Variants in CARMIL2 observed in about 807,000 individuals in gnomAD.
The protein encoded by CARMIL2 is capping protein regulator and myosin 1 linker 2.
In CARMIL2, 96 loss-of-function variants were observed where a neutral mutation model predicts 173.3. The ratio of observed to expected loss-of-function variants is 0.55; its 90% CI spans 0.47 to 0.66. The LOEUF (loss-of-function observed/expected upper bound fraction) is 0.66, where lower values mean the gene tolerates loss of function less well. Ranked by LOEUF, CARMIL2 falls within the 30% of genes least tolerant of loss-of-function variation. The pLI, the probability that CARMIL2 is intolerant of heterozygous loss-of-function variation, is 0.00. For missense variants in CARMIL2, 1,771 were observed against 1,906.7 expected (o/e 0.93, Z 1.33); for synonymous variants, 830 against 817.1 (o/e 1.02, Z -0.27).
Position 67,657,165 on chromosome 16 carries a change from G to C in CARMIL2, c.4118-74G>C. 7.5e-7 allele frequency: 1 copy of C among 1,339,200 alleles called. No homozygotes were observed. The highest frequency in any genetic ancestry group is 1.1e-6 in the Non-Finnish European group (1 of 947,098). The allele number at this position is 1,339,200 out of a possible 1,614,324, so 83.0% of individuals were successfully genotyped here. On this transcript the variant is annotated intron_variant, in intron 36 of 37. Coordinates refer to ENST00000334583, the MANE Select transcript of CARMIL2 (RefSeq NM_001013838.3). The surrounding 1 kb of genome is among the most constrained non-coding windows in gnomAD (Gnocchi z 4.5). ...GAGTGCATGCTTATGTGCACTGGAG[G>C]TGGAAGAGAGGGGCAGGGGATGGAC... is the stretch of plus-strand genomic sequence containing the variant.
In CARMIL2 at chr16:67,647,102, C is replaced by A. The variant is rs142752637; in HGVS notation, c.612-14C>A. ...GGGCCCTGAGCTCTGCCTCTGTTCC[C>A]ACCCTCCCACCAGGGACCTGGCCTT... is the stretch of plus-strand genomic sequence containing the variant. On this transcript the variant is annotated splice_polypyrimidine_tract_variant and intron_variant, in intron 8 of 37. Transcript: ENST00000334583. 1 of 1,613,618 alleles carries A rather than the reference C, an allele frequency of 6.2e-7. No individual in the cohort carries two copies. The highest frequency in any genetic ancestry group is 2.2e-5 in the East Asian group (1 of 44,878).
In CARMIL2 at chr16:67,654,401, G is replaced by T; in HGVS notation, c.3291G>T (p.Lys1097Asn). 6.2e-7 allele frequency: 1 copy of T among 1,610,192 alleles called. No individual in the cohort carries two copies. The highest frequency in any genetic ancestry group is 8.5e-7 in the Non-Finnish European group (1 of 1,178,568). The change falls in exon 31 of 38, where the codon AAG becomes AAT. Residue 1097 changes from lysine (K) to asparagine (N), a missense_variant. Lys to Asn is a moderately conservative substitution (Grantham distance 94). Coordinates refer to ENST00000334583, the MANE Select transcript of CARMIL2 (RefSeq NM_001013838.3). ...ATPVPRTLRK[K>N]LGTLFAFKKP... ...CTGTCCCCCGTACACTGCGAAAGAAGCTGGGCACCCTCTTTGCCTTCAAGA... is the reference window on the plus strand; with the variant it reads ...CTGTCCCCCGTACACTGCGAAAGAATCTGGGCACCCTCTTTGCCTTCAAGA...
rs758300293 is a variant in CARMIL2, at chr16:67,647,832, C to T, written c.959-14C>T. ...GGTCTGTCCAACTGCTGAGTGACCC[C>T]GACCCACCACCAGGAATGAGGGCTC... On this transcript the variant is annotated splice_polypyrimidine_tract_variant and intron_variant, in intron 12 of 37. Coordinates refer to ENST00000334583, the MANE Select transcript of CARMIL2 (RefSeq NM_001013838.3). The T allele has an allele frequency of 5.0e-6, 8 of 1,600,410 alleles. No individual in the cohort carries two copies. The highest frequency in any genetic ancestry group is 1.1e-5 in the South Asian group (1 of 88,752).
rs749715384 is a variant in CARMIL2, at chr16:67,646,592, G to T, written c.466+75G>T. The T allele has an allele frequency of 3.8e-6, 6 of 1,577,102 alleles. No individual in the cohort carries two copies. In the Admixed American group the frequency reaches 6.8e-5, roughly 18 times the overall value. ...CTCCCCAGACCCGCAAGCTGGGGGG[G>T]CCCCAAACTGAACAGAGCCATTCAG... On this transcript the variant is annotated intron_variant, in intron 6 of 37. Coordinates refer to ENST00000334583, the MANE Select transcript of CARMIL2 (RefSeq NM_001013838.3). The surrounding 1 kb of genome is among the most constrained non-coding windows in gnomAD (Gnocchi z 4.6).
rs1262845460 is a variant in CARMIL2 at position 67,651,022 on chromosome 16, C to G, written c.2185-165C>G. On this transcript the variant is annotated intron_variant, in intron 22 of 37. Transcript: ENST00000334583. The surrounding 1 kb of genome is among the most constrained non-coding windows in gnomAD (Gnocchi z 4.2). ...ATAAAGTCCTTAAAATGAACCAAAG[C>G]AACAGATAGTTCCTTCCCTCCTTGA... The G allele has an allele frequency of 1.4e-6, 1 of 711,942 alleles. No individual in the cohort carries two copies. Among genetic ancestry groups the G allele is most frequent in the East Asian group, 2.7e-5 (1 of 36,526 alleles). The allele number at this position is 711,942 out of a possible 1,614,324, so 44.1% of individuals were successfully genotyped here.
In CARMIL2 at chr16:67,646,972, C is replaced by A. The variant is rs200130634; in HGVS notation, c.610C>A (p.Arg204=). ...GGGAGACTTCAGCCACCTCGGCAGTCGGTGTGTGGCCTGCCAGGATGGGAG... is the reference window on the plus strand; with the variant it reads ...GGGAGACTTCAGCCACCTCGGCAGTAGGTGTGTGGCCTGCCAGGATGGGAG... ...SLGDFSHLGS[R]DLALSVAALS... The change falls in exon 8 of 38, where the codon CGG becomes AGG. Residue 204 remains arginine, a splice_region_variant and synonymous_variant. Transcript: ENST00000334583. The surrounding 1 kb of genome is among the most constrained non-coding windows in gnomAD (Gnocchi z 4.6). 16 of 1,612,872 alleles carry A rather than the reference C, an allele frequency of 9.9e-6. No individual in the cohort carries two copies. The highest frequency in any genetic ancestry group is 1.4e-5 in the Non-Finnish European group (16 of 1,179,622).
rs368964680 is a variant in CARMIL2 at position 67,649,975 on chromosome 16, G to T, written c.2082+7G>T. The T allele has an allele frequency of 6.2e-7, 1 of 1,613,276 alleles. No homozygotes were observed. The highest frequency in any genetic ancestry group is 2.2e-5 in the East Asian group (1 of 44,874). ...AGCACGTGCAGTCCATCAGGTGGGC[G>T]TCCCCCTCTTCCCTTGCCCTTCTCT... On this transcript the variant is annotated splice_region_variant and intron_variant, in intron 21 of 37. Coordinates refer to ENST00000334583, the MANE Select transcript of CARMIL2 (RefSeq NM_001013838.3). The surrounding 1 kb of genome is among the most constrained non-coding windows in gnomAD (Gnocchi z 6.7).
Position 67,652,779 on chromosome 16 carries a change from T to G in CARMIL2, c.2885-240T>G, listed in dbSNP as rs1417780268. Among the ~76,000 whole-genome samples, 1 of 151,644 alleles carries G rather than the reference T, an allele frequency of 6.6e-6. No homozygotes were observed. Among genetic ancestry groups the G allele is most frequent in the Non-Finnish European group, 1.5e-5 (1 of 67,846 alleles). ...CTCAGCTCGCCTCCCCGCGCCCCTTTCCCTACCCCAGGGACGCGCATGCTG... is the reference window on the plus strand; with the variant it reads ...CTCAGCTCGCCTCCCCGCGCCCCTTGCCCTACCCCAGGGACGCGCATGCTG... On this transcript the variant is annotated intron_variant, in intron 28 of 37. Coordinates refer to ENST00000334583, the MANE Select transcript of CARMIL2 (RefSeq NM_001013838.3). The surrounding 1 kb of genome is among the most constrained non-coding windows in gnomAD (Gnocchi z 4.7).
chr16:67,654,444 G>C lies in CARMIL2; in HGVS notation c.3334G>C (p.Gly1112Arg), dbSNP rs2142947609. 1.9e-6 allele frequency: 3 copies of C among 1,612,926 alleles called. No individual in the cohort carries two copies. Among genetic ancestry groups the C allele is most frequent in the Admixed American group, 3.3e-5 (2 of 59,900 alleles). ...CTTCAAGAAGCCTCGTTCAACGCGG[G>C]GTCCACGGACTGATCTAGAGACCAG... ...FAFKKPRSTR[G>R]PRTDLETSPG... is the part of the protein sequence containing the mutation. Residue 1112 changes from glycine to arginine, a missense_variant, in exon 31 of 38, where the codon GGT becomes CGT. Physicochemically the swap from Gly to Arg is moderately radical, Grantham distance 125 (BLOSUM62 -2). Coordinates refer to ENST00000334583, the MANE Select transcript of CARMIL2 (RefSeq NM_001013838.3).
rs544582662 is a variant in CARMIL2 at position 67,653,490 on chromosome 16, G to A, written c.3120+236G>A. ...GGGGTGTGCCTGGGTGTGGGACTCC[G>A]TCTCGGGGCGGCCCGCGGCCTCCGT... On this transcript the variant is annotated intron_variant, in intron 29 of 37. Transcript: ENST00000334583. The surrounding 1 kb of genome is among the most constrained non-coding windows in gnomAD (Gnocchi z 7.4). 8.1e-4 allele frequency among the ~76,000 whole-genome samples: 123 copies of A among 152,236 alleles called. No individual in the cohort carries two copies. Among genetic ancestry groups the A allele is most frequent in the African/African-American group, 2.8e-3 (115 of 41,550 alleles).
Position 67,649,249 on chromosome 16 carries a change from C to A in CARMIL2, c.1689-5C>A. 1 of 1,613,470 alleles carries A rather than the reference C, an allele frequency of 6.2e-7. No individual in the cohort carries two copies. Among genetic ancestry groups the A allele is most frequent in the Non-Finnish European group, 8.5e-7 (1 of 1,179,682 alleles). Reference sequence around the variant, plus strand: ...GTCCCCCACAACTGCGGCCCCTGCCCACAGGGAGACCCTGGACGACGTCCT... The same window carrying A: ...GTCCCCCACAACTGCGGCCCCTGCCAACAGGGAGACCCTGGACGACGTCCT... On this transcript the variant is annotated splice_region_variant and splice_polypyrimidine_tract_variant and intron_variant, in intron 18 of 37. Coordinates refer to ENST00000334583, the MANE Select transcript of CARMIL2 (RefSeq NM_001013838.3). The surrounding 1 kb of genome is among the most constrained non-coding windows in gnomAD (Gnocchi z 6.7).
At position 67,647,581 on chromosome 16, in the gene CARMIL2, G is replaced by A. The variant is rs1597745607; in HGVS notation, c.850G>A (p.Gly284Arg). ...SSGLRELSLA[G>R]NLLDDRGMTA... Reference sequence around the variant, plus strand: ...TGGGCTGCGGGAGCTCAGCCTCGCGGGGAACCTGCTGGATGACCGAGGTAT... The same window carrying A: ...TGGGCTGCGGGAGCTCAGCCTCGCGAGGAACCTGCTGGATGACCGAGGTAT... Residue 284 changes from glycine (G) to arginine (R), a missense_variant, in exon 11 of 38, where the codon GGG becomes AGG. Around this residue, in one of 3 missense-constraint regions of CARMIL2, gnomAD observed 944 missense variants for 975.6 expected, o/e 0.97. Transcript: ENST00000334583. 1.2e-6 allele frequency: 2 copies of A among 1,611,062 alleles called. No homozygotes were observed. Among genetic ancestry groups the A allele is most frequent in the African/African-American group, 1.3e-5 (1 of 74,960 alleles).
At position 67,648,498 on chromosome 16, in the gene CARMIL2, C is replaced by T. The variant is rs1352716186; in HGVS notation, c.1435C>T (p.Leu479Phe). The T allele has an allele frequency of 6.9e-7, 1 of 1,449,102 alleles. No homozygotes were observed. 89.8% of individuals were successfully genotyped at this position (1,449,102 alleles called of 1,614,324 possible). A position where few individuals can be genotyped will look rare whatever the true frequency, so the allele number is the denominator to read the frequency against. Residue 479 changes from leucine (L) to phenylalanine (F), a missense_variant, in exon 15 of 38, where the codon CTC becomes TTC. This residue lies in a region of CARMIL2 where 944 missense variants were observed against 975.6 expected (regional missense o/e 0.97). Coordinates refer to ENST00000334583, the MANE Select transcript of CARMIL2 (RefSeq NM_001013838.3). This position sits in a 1 kb window ranked among gnomAD's most constrained non-coding sequence, Gnocchi z 6.1. ...LAGCKLPPDA[L>F]RALLDGLALN... ...GGGCTGCAAGCTGCCGCCCGACGCG[C>T]TCAGGTCAGTGTCGGACCCCGGCCA... is the stretch of plus-strand genomic sequence containing the variant.
intron 30 of CARMIL2, 25 bp from the exon 31 acceptor site, chr16:67,654,307 C>T (rs1389514400): frequency 3.8e-6 from 6 of 1,581,940 alleles, no homozygotes; most frequent in East Asian, 4.6e-5. Flanking sequence ...TGGGCTTTCT[C>T]GCTCACTGCT....
Position 67,651,311 on chromosome 16 carries a change from T to C in CARMIL2, c.2309T>C (p.Leu770Pro). ...EDAIQNANFSLSILPILYEAG... is the reference protein window; with the variant it reads ...EDAIQNANFSPSILPILYEAG... ...GCCATCCAAAATGCCAACTTCTCTC[T>C]CAGCGTGAGCACTCCCCCTCCTGCT... The change falls in exon 23 of 38, where the codon CTC becomes CCC. Residue 770 changes from leucine (L) to proline (P), a missense_variant. Leu to Pro is a moderately conservative substitution (Grantham distance 98). Transcript: ENST00000334583. The surrounding 1 kb of genome is among the most constrained non-coding windows in gnomAD (Gnocchi z 4.2). 1 of 1,613,528 alleles carries C rather than the reference T, an allele frequency of 6.2e-7. No individual in the cohort carries two copies. The highest frequency in any genetic ancestry group is 8.5e-7 in the Non-Finnish European group (1 of 1,179,786).
chr16:67,652,442 C>T lies in CARMIL2; in HGVS notation c.2818-30C>T, dbSNP rs1393090363. 1.2e-6 allele frequency: 2 copies of T among 1,612,744 alleles called. No homozygotes were observed. The highest frequency in any genetic ancestry group is 1.7e-5 in the Admixed American group (1 of 59,900). On this transcript the variant is annotated intron_variant, in intron 27 of 37. Coordinates refer to ENST00000334583, the MANE Select transcript of CARMIL2 (RefSeq NM_001013838.3). This position sits in a 1 kb window ranked among gnomAD's most constrained non-coding sequence, Gnocchi z 4.7. ...CTCTTTTGGGTTGGTGCTCTCCTAC[C>T]CCAGGCTGAGTTTGTGCCCTCCCCA... is the stretch of plus-strand genomic sequence containing the variant.
At position 67,657,271 on chromosome 16, in the gene CARMIL2, C is replaced by T; in HGVS notation, c.4150C>T (p.Leu1384Phe). 6.2e-7 allele frequency: 1 copy of T among 1,613,818 alleles called. No individual in the cohort carries two copies. The highest frequency in any genetic ancestry group is 8.5e-7 in the Non-Finnish European group (1 of 1,179,820). ...CCTGAGGCTGCAGCGCTCCCCCGTC[C>T]TCAAACGCAGGCCAAAACTCGAGGC... ...RPLRLQRSPV[L>F]KRRPKLEAPP... The change falls in exon 37 of 38, where the codon CTC (leucine) becomes TTC (phenylalanine). Residue 1384 changes from leucine to phenylalanine, a missense_variant. By Grantham distance (22) the Leu-to-Phe change is conservative. Transcript: ENST00000334583. The surrounding 1 kb of genome is among the most constrained non-coding windows in gnomAD (Gnocchi z 4.5).
intron 3 of CARMIL2, 39 bp from the exon 4 acceptor site, chr16:67,645,979 G>A (rs777217467): frequency 1.2e-6 from 2 of 1,612,322 alleles, no homozygotes; most frequent in South Asian, 2.2e-5. Context: ...TGAGGGCGGG[G>A]CTGGGGGCTT....
At chr16:67,656,692 G>C (rs2052864740) in intron 35 of CARMIL2, 47 bp downstream of exon 35, 2 of 1,573,222 alleles carry the variant, frequency 1.3e-6, no homozygotes, top group African/African-American at 2.7e-5. Context: ...CTCGGGGCTG[G>C]AGGAGTTCCT....
Sources: allele counts gnomAD v4.1 joint callset (sites outside exome capture counted in the v4.1 genomes callset), GRCh38; gene constraint gnomAD v4.1.1; regional missense constraint gnomAD v4.1.1; non-coding constraint Gnocchi (gnomAD v3.1); transcripts MANE v1.5; gene names NCBI Gene and HGNC (gene_info 2026-07-23, HGNC 2026-07-21).